Variants in REC114 observed in about 807,000 individuals in gnomAD.
The protein encoded by REC114 is REC114 meiotic recombination protein, also known as meiotic recombination protein REC114.
A neutral mutation model predicts 31.3 loss-of-function variants in REC114; 27 were observed. The observed-to-expected ratio is 0.86, with a 90% CI of 0.64 to 1.19. REC114 has a LOEUF of 1.19. Ranked by LOEUF, REC114 falls within the 50% of genes most tolerant of loss-of-function variation. REC114 has a pLI of 0.00. For missense variants in REC114, 344 were observed against 326.9 expected (o/e 1.05, Z -0.40); for synonymous variants, 134 against 127.7 (o/e 1.05, Z -0.33).
chr15:73,544,912 G>A (rs550753669), intron 3 of REC114, among the ~76,000 whole-genome samples: 3 of 152,274 alleles, frequency 2.0e-5, no homozygotes, highest in African/African-American at 7.2e-5. Context: ...AAAACCCACT[G>A]GGTTTTTATG....
At chr15:73,545,381 C>T (rs973150319) in intron 3 of REC114, among the ~76,000 whole-genome samples, 1 of 152,192 alleles carries the variant, frequency 6.6e-6, no homozygotes, top group Non-Finnish European at 1.5e-5. Flanking sequence ...AAATAAATCT[C>T]ATCAAGACTT....
intron 4 of REC114, among the ~76,000 whole-genome samples, chr15:73,552,677 T>G (rs1894408837): frequency 6.6e-6 from 1 of 152,226 alleles, no homozygotes; most frequent in Non-Finnish European, 1.5e-5. Flanking sequence ...CACCTACCTC[T>G]GTTCTTGAGA....
chr15:73,505,939 C>G (rs1893669878), intron 2 of REC114, among the ~76,000 whole-genome samples: 1 of 152,116 alleles, frequency 6.6e-6, no homozygotes, highest in African/African-American at 2.4e-5. Context: ...AGGCTCTCTT[C>G]TTTTTATTCC....
At chr15:73,556,909 T>A (rs1030150644) in intron 5 of REC114, among the ~76,000 whole-genome samples, 4 of 152,050 alleles carry the variant, frequency 2.6e-5, no homozygotes, top group African/African-American at 9.7e-5. Flanking sequence ...CAAAACCTCT[T>A]CATTCAAAAC....
intron 2 of REC114, among the ~76,000 whole-genome samples, chr15:73,504,301 C>A (rs1158872792): frequency 1.4e-4 from 21 of 152,056 alleles, no homozygotes. Context: ...CTGCGCCCGG[C>A]CTGAAATATT....
intron 5 of REC114, among the ~76,000 whole-genome samples, chr15:73,558,739 A>G (rs974132528): frequency 2.0e-5 from 3 of 152,256 alleles, no homozygotes; most frequent in African/African-American, 4.8e-5. Flanking sequence ...GCCACTATAG[A>G]TGACAGTTTG....
intron 2 of REC114, among the ~76,000 whole-genome samples, chr15:73,496,607 C>G (rs965917497): frequency 1.3e-5 from 2 of 148,380 alleles, no homozygotes; most frequent in Non-Finnish European, 3.0e-5. Context: ...GAGCTGAGAT[C>G]ACGCAACTGC....
intron 2 of REC114, among the ~76,000 whole-genome samples, chr15:73,527,415 C>T (rs774520160): frequency 9.2e-5 from 14 of 152,166 alleles, no homozygotes; most frequent in Non-Finnish European, 2.1e-4. Flanking sequence ...CTTGGCCTAC[C>T]TGACCTCCCA....
intron 2 of REC114, among the ~76,000 whole-genome samples, chr15:73,475,671 T>G (rs1893201769): frequency 6.6e-6 from 1 of 152,146 alleles, no homozygotes; most frequent in African/African-American, 2.4e-5. Context: ...TAATTTGTGA[T>G]TGAAGAAAGA....
At chr15:73,461,482 AT>A (rs1221059142) in intron 1 of REC114, among the ~76,000 whole-genome samples, 4 of 152,202 alleles carry the variant, frequency 2.6e-5, no homozygotes, top group Admixed American at 6.5e-5. Flanking sequence ...AATCTGAATA[AT>A]ACTATTTTCA....
At chr15:73,555,185 T>C (rs1894447402) in intron 4 of REC114, among the ~76,000 whole-genome samples, 1 of 152,210 alleles carries the variant, frequency 6.6e-6, no homozygotes, top group Non-Finnish European at 1.5e-5. Flanking sequence ...ATTTGGCATC[T>C]CCTGCCTTCT....
intron 1 of REC114, among the ~76,000 whole-genome samples, chr15:73,453,061 A>T (rs1892871990): frequency 6.6e-6 from 1 of 152,232 alleles, no homozygotes; most frequent in South Asian, 2.1e-4. Flanking sequence ...ACCATTCAGG[A>T]CATAGGCATG....
intron 2 of REC114, among the ~76,000 whole-genome samples, chr15:73,485,138 C>T (rs766131926): frequency 3.9e-5 from 6 of 152,186 alleles, no homozygotes; most frequent in Non-Finnish European, 8.8e-5. Context: ...GTCTCCACTG[C>T]AGTGGCACGA....
chr15:73,529,283 G>A (rs768420656), intron 2 of REC114, among the ~76,000 whole-genome samples: 8 of 151,744 alleles, frequency 5.3e-5, no homozygotes, highest in East Asian at 1.9e-4. Flanking sequence ...GACTACAGGC[G>A]CCCGCCACCA....
intron 2 of REC114, among the ~76,000 whole-genome samples, chr15:73,524,716 G>A (rs1893982473): frequency 1.3e-5 from 2 of 152,064 alleles, no homozygotes; most frequent in Non-Finnish European, 1.5e-5. Flanking sequence ...TTGTGCCTCA[G>A]CCTCCTGAGT....
At chr15:73,513,970 C>T (rs1386224069) in intron 2 of REC114, among the ~76,000 whole-genome samples, 1 of 152,076 alleles carries the variant, frequency 6.6e-6, no homozygotes, top group Non-Finnish European at 1.5e-5. Flanking sequence ...TGGTGGGCTC[C>T]ACCCAGTTCG....
In REC114 at chr15:73,559,969, C is replaced by T. The variant is rs1894563072; in HGVS notation, c.*53C>T. The T allele has an allele frequency of 7.0e-7, 1 of 1,434,648 alleles. No individual in the cohort carries two copies. The highest frequency in any genetic ancestry group is 1.4e-5 in the South Asian group (1 of 72,060). The allele number at this position is 1,434,648 out of a possible 1,614,324, so 88.9% of individuals were successfully genotyped here. ...ACTTCAAAGTATTGAAAAATGCTTC[C>T]TCCTAAAATTAAAGAAGATATTAGA... On this transcript the variant is annotated 3_prime_UTR_variant, in exon 6 of 6. Transcript: ENST00000331090.
intron 2 of REC114, among the ~76,000 whole-genome samples, chr15:73,478,404 G>A (rs1427061160): frequency 1.3e-5 from 2 of 151,690 alleles, no homozygotes; most frequent in Non-Finnish European, 2.9e-5. Context: ...AATTTGCTAA[G>A]TATGTGTTAG....
intron 2 of REC114, among the ~76,000 whole-genome samples, chr15:73,518,026 C>CG (rs1185174940): frequency 2.6e-5 from 4 of 151,938 alleles, no homozygotes; most frequent in Non-Finnish European, 1.5e-5. Context: ...TGAATATTGC[C>CG]GATGCTGATA....
Sources: allele counts gnomAD v4.1 joint callset (sites outside exome capture counted in the v4.1 genomes callset), GRCh38; gene constraint gnomAD v4.1.1; transcripts MANE v1.5; gene names NCBI Gene and HGNC (gene_info 2026-07-23, HGNC 2026-07-21).